TMC1: variants seen among roughly 807,000 people sequenced by gnomAD.
TMC1 encodes the protein transmembrane channel-like protein 1.
TMC1 carries 84 observed loss-of-function variants against 105.8 expected under a neutral mutation model. The ratio of observed to expected loss-of-function variants is 0.79; its 90% CI spans 0.67 to 0.95. The LOEUF is 0.95. Among genes scored for constraint, TMC1 ranks in the 40% least tolerant of loss-of-function variants. The pLI, the probability that TMC1 is intolerant of heterozygous loss-of-function variation, is 0.00. For missense variants in TMC1, 817 were observed against 914.1 expected (o/e 0.89, Z 1.37); for synonymous variants, 315 against 311.5 (o/e 1.01, Z -0.12).
At chr9:72,683,357 G>C (rs1185297861) in intron 5 of TMC1, among the ~76,000 whole-genome samples, 2 of 151,970 alleles carry the variant, frequency 1.3e-5, no homozygotes, top group Non-Finnish European at 2.9e-5. Context: ...GCATACACAT[G>C]TGTAATTTTC....
intron 5 of TMC1, among the ~76,000 whole-genome samples, chr9:72,676,019 G>A (rs1351259427): frequency 2.0e-5 from 3 of 152,102 alleles, no homozygotes; most frequent in African/African-American, 7.2e-5. Flanking sequence ...ATCAATCTGA[G>A]CATGGACTAG....
At position 72,550,115 on chromosome 9, in the gene TMC1, C is replaced by A. The variant is rs180963678; in HGVS notation, c.-427-27787C>A. Among the ~76,000 whole-genome samples, 3 of 152,152 alleles carry A rather than the reference C, an allele frequency of 2.0e-5. No homozygotes were observed. In the South Asian group the frequency reaches 6.2e-4, roughly 32 times the overall value. On this transcript the variant is annotated intron_variant, in intron 1 of 23. Coordinates refer to ENST00000297784, the MANE Select transcript of TMC1 (RefSeq NM_138691.3). ...ACTAAGAGAATGCAGGACAAATTGC[C>A]CTGATATCCTGACACAAAGGTGAAG...
intron 7 of TMC1, among the ~76,000 whole-genome samples, chr9:72,698,579 G>A (rs1307165302): frequency 2.6e-5 from 4 of 152,154 alleles, no homozygotes; most frequent in Non-Finnish European, 4.4e-5. Context: ...AATTTAATAA[G>A]TGAATTGTTA....
chr9:72,544,257 A>G (rs185616801), intron 1 of TMC1, among the ~76,000 whole-genome samples: 5 of 150,908 alleles, frequency 3.3e-5, no homozygotes, highest in Admixed American at 3.3e-4. Context: ...CCACTTCAAT[A>G]GTTTCTTTTT....
intron 12 of TMC1, among the ~76,000 whole-genome samples, chr9:72,767,569 T>C (rs1827859960): frequency 6.6e-6 from 1 of 152,218 alleles, no homozygotes; most frequent in Non-Finnish European, 1.5e-5. Flanking sequence ...ATGCATGAAT[T>C]GAGTCCTGGT....
intron 8 of TMC1, among the ~76,000 whole-genome samples, chr9:72,705,726 A>T (rs897098760): frequency 6.6e-6 from 1 of 152,236 alleles, no homozygotes; most frequent in Non-Finnish European, 1.5e-5. Flanking sequence ...ACAAATTAGG[A>T]TACAGAAACA....
intron 19 of TMC1, among the ~76,000 whole-genome samples, chr9:72,819,574 C>G (rs912855917): frequency 2.6e-5 from 4 of 152,192 alleles, no homozygotes; most frequent in African/African-American, 9.7e-5. Flanking sequence ...TCATTCGTAT[C>G]TATTGTCCGA....
chr9:72,722,581 T>A (rs1319792242), intron 8 of TMC1, among the ~76,000 whole-genome samples: 1 of 152,194 alleles, frequency 6.6e-6, no homozygotes, highest in Non-Finnish European at 1.5e-5. Context: ...GATTTTGAGC[T>A]CCTCAGGGCA....
intron 8 of TMC1, among the ~76,000 whole-genome samples, chr9:72,722,145 T>C (rs754492854): frequency 6.6e-6 from 1 of 152,150 alleles, no homozygotes. Context: ...TATGAGAACA[T>C]TGAAAACAAA....
rs139731153 is a variant in TMC1, at chr9:72,709,530, A to G, written c.362+8887A>G. 2.1e-3 allele frequency among the ~76,000 whole-genome samples: 314 copies of G among 151,928 alleles called. 1 individual carries two copies. The highest frequency in any genetic ancestry group is 3.0e-3 in the Admixed American group (46 of 15,268). The stretch of plus-strand genomic sequence containing the variant: ...TACTATTTCAATTTCATTGCTTGTT[A>G]TTGGTCTGTTCAGGGTTTCTAATTC... On this transcript the variant is annotated intron_variant, in intron 8 of 23. Transcript: ENST00000297784.
intron 1 of TMC1, among the ~76,000 whole-genome samples, chr9:72,548,672 A>G (rs901639112): frequency 2.0e-5 from 3 of 151,996 alleles, no homozygotes. Flanking sequence ...CTGATTGTCT[A>G]CAATTGACAG....
At chr9:72,598,695 C>G (rs1298147506) in intron 2 of TMC1, among the ~76,000 whole-genome samples, 2 of 152,156 alleles carry the variant, frequency 1.3e-5, no homozygotes, top group African/African-American at 4.8e-5. Flanking sequence ...CAGTCTTTAT[C>G]AGTGAACCAT....
Position 72,648,672 on chromosome 9 carries a change from C to T in TMC1, c.16+8C>T. 6.2e-7 allele frequency: 1 copy of T among 1,610,628 alleles called. No homozygotes were observed. The highest frequency in any genetic ancestry group is 1.7e-5 in the Admixed American group (1 of 60,002). ...GGATGTCACCCAAAAAAGGTATTTA[C>T]AAAATCAAGACTGTCTGTAGGACAC... On this transcript the variant is annotated splice_region_variant and intron_variant, in intron 5 of 23. Coordinates refer to ENST00000297784, the MANE Select transcript of TMC1 (RefSeq NM_138691.3).
chr9:72,757,862 G>T (rs1827697038), intron 12 of TMC1, among the ~76,000 whole-genome samples: 1 of 152,088 alleles, frequency 6.6e-6, no homozygotes, highest in South Asian at 2.1e-4. Context: ...ACAGCTATTA[G>T]GAAACCGAAT....
At chr9:72,774,167 T>C (rs1300973205) in intron 13 of TMC1, among the ~76,000 whole-genome samples, 2 of 152,192 alleles carry the variant, frequency 1.3e-5, no homozygotes, top group East Asian at 3.8e-4. Flanking sequence ...GGTTATGCAG[T>C]TGTACATCAG....
chr9:72,570,312 C>T (rs1275427873), intron 1 of TMC1, among the ~76,000 whole-genome samples: 2 of 151,440 alleles, frequency 1.3e-5, no homozygotes. Flanking sequence ...TTATCTCCTT[C>T]ACTCCTTTTC....
At chr9:72,719,175 G>A (rs1439977669) in intron 8 of TMC1, among the ~76,000 whole-genome samples, 5 of 152,238 alleles carry the variant, frequency 3.3e-5, no homozygotes, top group East Asian at 1.9e-4. Context: ...GCCTGTCACC[G>A]GATTCACATC....
intron 8 of TMC1, among the ~76,000 whole-genome samples, chr9:72,721,962 C>A (rs1048513017): frequency 6.6e-6 from 1 of 152,128 alleles, no homozygotes; most frequent in Non-Finnish European, 1.5e-5. Context: ...TAAAAAATAT[C>A]GGTGAGCTCC....
At chr9:72,669,769 T>G (rs1826100519) in intron 5 of TMC1, among the ~76,000 whole-genome samples, 1 of 152,098 alleles carries the variant, frequency 6.6e-6, no homozygotes, top group Non-Finnish European at 1.5e-5. Flanking sequence ...AATAGATTTC[T>G]CAATGTGGTT....
Sources: allele counts gnomAD v4.1 joint callset (sites outside exome capture counted in the v4.1 genomes callset), GRCh38; gene constraint gnomAD v4.1.1; transcripts MANE v1.5; gene names NCBI Gene and HGNC (gene_info 2026-07-23, HGNC 2026-07-21).